CFAP91: variants seen among roughly 807,000 people sequenced by gnomAD.
CFAP91 encodes the protein cilia- and flagella-associated protein 91.
Under a neutral mutation model 95.9 loss-of-function variants are expected in CFAP91, and 85 were observed. That is an observed-to-expected ratio of 0.89 (90% CI 0.74 to 1.06). The LOEUF is 1.06. CFAP91 is among the 50% of genes least tolerant of loss of function. The pLI, the probability that CFAP91 is intolerant of heterozygous loss-of-function variation, is 0.00. For missense variants in CFAP91, 962 were observed against 943.4 expected, an observed-to-expected ratio of 1.02 and a Z score of -0.26; for synonymous variants, 335 against 327.5, an observed-to-expected ratio of 1.02 and a Z score of -0.25.
chr3:119,760,015 A>G (rs2054507287), intron 17 of CFAP91, among the ~76,000 whole-genome samples: 1 of 151,972 alleles, frequency 6.6e-6, no homozygotes, highest in African/African-American at 2.4e-5. Context: ...AGATGATAGT[A>G]GTAAGTCTTT....
chr3:119,731,672 C>T (rs959796064), intron 8 of CFAP91, among the ~76,000 whole-genome samples: 1 of 152,168 alleles, frequency 6.6e-6, no homozygotes, highest in South Asian at 2.1e-4. Flanking sequence ...AAGATTTTTA[C>T]CCCCATTGAA....
At position 119,708,663 on chromosome 3, in the gene CFAP91, A is replaced by T; in HGVS notation, c.432A>T (p.Lys144Asn). Residue 144 changes from lysine to asparagine, a missense_variant, in exon 4 of 18, where the codon AAA (lysine) becomes AAT (asparagine). Transcript: ENST00000273390. ...AAGTTACTGGAAAGAATCGCTATAA[A>T]TACTTTGAAAGGTAGAACATAATTA... Reference protein sequence around the residue: ...DPEVTGKNRYKYFERPFLPFF... With the variant: ...DPEVTGKNRYNYFERPFLPFF... The T allele has an allele frequency of 6.3e-7, 1 of 1,575,936 alleles. No individual in the cohort carries two copies. The highest frequency in any genetic ancestry group is 1.1e-5 in the South Asian group (1 of 87,588).
rs1384707022 is a variant in CFAP91, at chr3:119,728,040, AATG to A, written c.860+1701_860+1703del. Among the ~76,000 whole-genome samples, 14 of 150,320 alleles carry A rather than the reference AATG, an allele frequency of 9.3e-5. 1 individual carries two copies. Among genetic ancestry groups the A allele is most frequent in the Non-Finnish European group, 1.5e-4 (10 of 67,916 alleles). The stretch of plus-strand genomic sequence containing the variant: ...TGATGATGATGATGATGATGATGAT[AATG>A]ATGATGATTAGTGGACTATAAGGAG... On this transcript the variant is annotated intron_variant, in intron 7 of 17. Coordinates refer to ENST00000273390, the MANE Select transcript of CFAP91 (RefSeq NM_033364.4).
chr3:119,726,408 T>C, intron 7 of CFAP91, 60 bp downstream of exon 7: 5 of 1,447,112 alleles, frequency 3.5e-6, no homozygotes, highest in Non-Finnish European at 4.7e-6. Flanking sequence ...GTTAATACTT[T>C]ATATCTGCAA....
chr3:119,723,828 G>A (rs2053729461), intron 6 of CFAP91, among the ~76,000 whole-genome samples: 1 of 152,154 alleles, frequency 6.6e-6, no homozygotes, highest in Non-Finnish European at 1.5e-5. Flanking sequence ...GGGATTTGTT[G>A]AAGATTAAAT....
At chr3:119,763,239 G>A (rs1450264745) in intron 17 of CFAP91, among the ~76,000 whole-genome samples, 10 of 151,798 alleles carry the variant, frequency 6.6e-5, no homozygotes, top group East Asian at 3.9e-4. Flanking sequence ...ATTACTAATC[G>A]TTCGAGAAAT....
chr3:119,751,889 A>C (rs1013717637), intron 17 of CFAP91, among the ~76,000 whole-genome samples: 3 of 152,188 alleles, frequency 2.0e-5, no homozygotes, highest in Non-Finnish European at 4.4e-5. Flanking sequence ...TACAAAAGTC[A>C]ACATACTCAC....
At chr3:119,723,613 C>T (rs1228014043) in intron 6 of CFAP91, among the ~76,000 whole-genome samples, 2 of 152,066 alleles carry the variant, frequency 1.3e-5, no homozygotes, top group African/African-American at 4.8e-5. Flanking sequence ...TAGTACAATA[C>T]CATGTATGTA....
chr3:119,709,486 G>C lies in CFAP91; in HGVS notation c.444-353G>C, dbSNP rs1239827179. 2.0e-5 allele frequency among the ~76,000 whole-genome samples: 3 copies of C among 152,198 alleles called. No individual in the cohort carries two copies. The South Asian group carries it at 6.2e-4, about 32-fold the overall frequency. Reference sequence around the variant, plus strand: ...GAATGTCTCAGGAACTTGAGAAGTTGTTGGGAACTAATGGCCAGCTGAAGC... The same window carrying C: ...GAATGTCTCAGGAACTTGAGAAGTTCTTGGGAACTAATGGCCAGCTGAAGC... On this transcript the variant is annotated intron_variant, in intron 4 of 17. Coordinates refer to ENST00000273390, the MANE Select transcript of CFAP91 (RefSeq NM_033364.4).
At chr3:119,758,104 G>C (rs1577249548) in intron 17 of CFAP91, among the ~76,000 whole-genome samples, 1 of 152,192 alleles carries the variant, frequency 6.6e-6, no homozygotes, top group East Asian at 1.9e-4. Flanking sequence ...TGAATATTCT[G>C]ACTTGCACCA....
chr3:119,724,243 T>C (rs962232958), intron 6 of CFAP91, among the ~76,000 whole-genome samples: 8 of 151,954 alleles, frequency 5.3e-5, no homozygotes, highest in African/African-American at 1.7e-4. Context: ...TTATAATTCA[T>C]AGACACATAA....
At chr3:119,733,586 T>C in intron 10 of CFAP91, 80 bp downstream of exon 10, 1 of 1,438,974 alleles carries the variant, frequency 6.9e-7, no homozygotes, top group South Asian at 1.3e-5. Context: ...ATTGCAGCAA[T>C]GTCCAGTGGG....
intron 1 of CFAP91, among the ~76,000 whole-genome samples, chr3:119,704,405 G>A (rs2053320935): frequency 1.3e-5 from 2 of 152,108 alleles, no homozygotes; most frequent in Admixed American, 1.3e-4. Flanking sequence ...GTATAGCCAG[G>A]GCGGATGAGA....
At position 119,734,526 on chromosome 3, in the gene CFAP91, T is replaced by G. The variant is rs192168238; in HGVS notation, c.1344+1020T>G. On this transcript the variant is annotated intron_variant, in intron 10 of 17. Transcript: ENST00000273390. ...TGTGTTTATGTTGAATTTTATCAAA[T>G]GTTTATCACACAATTTTTGTATATT... 2.2e-3 allele frequency among the ~76,000 whole-genome samples: 341 copies of G among 152,342 alleles called. 2 individuals carry two copies. The highest frequency in any genetic ancestry group is 7.3e-3 in the African/African-American group (302 of 41,584).
chr3:119,750,844 G>A (rs963846021), intron 16 of CFAP91, 93 bp from the exon 17 acceptor site: 3 of 1,474,300 alleles, frequency 2.0e-6, no homozygotes, highest in African/African-American at 1.4e-5. Context: ...CCTTTAATTT[G>A]CAAAATTATT....
intron 1 of CFAP91, among the ~76,000 whole-genome samples, chr3:119,703,952 A>G (rs542230362): frequency 8.9e-4 from 136 of 152,208 alleles, no homozygotes; most frequent in African/African-American, 3.2e-3. Flanking sequence ...ATTTTTTCCA[A>G]TTTTGCCCTC....
At chr3:119,734,233 C>G (rs75855317) in intron 10 of CFAP91, among the ~76,000 whole-genome samples, 1 of 152,198 alleles carries the variant, frequency 6.6e-6, no homozygotes, top group Non-Finnish European at 1.5e-5. Context: ...ATAATACACT[C>G]TCATCACTGG....
chr3:119,713,414 C>A (rs552207512), intron 5 of CFAP91, among the ~76,000 whole-genome samples: 1 of 146,352 alleles, frequency 6.8e-6, no homozygotes, highest in South Asian at 2.2e-4. Flanking sequence ...CACTGTACCT[C>A]GCCCTTTTTT....
chr3:119,718,410 T>C (rs933497028), intron 6 of CFAP91, among the ~76,000 whole-genome samples: 46 of 152,098 alleles, frequency 3.0e-4, no homozygotes, highest in African/African-American at 1.1e-3. Flanking sequence ...CAATGCAACA[T>C]ATAGTGGTAG....
Sources: gnomAD v4.1 joint callset for allele counts (sites outside exome capture counted in the v4.1 genomes callset) on GRCh38, gnomAD v4.1.1 for gene constraint, MANE v1.5 for transcripts, NCBI Gene and HGNC (gene_info 2026-07-23, HGNC 2026-07-21) for gene names.